The following CORO2B variants were observed in gnomAD, a reference collection of about 807,000 sequenced individuals.
The protein encoded by CORO2B is coronin 2B.
In CORO2B, 26 loss-of-function variants were observed where a neutral mutation model predicts 58.8. That is an observed-to-expected ratio of 0.44 (90% CI 0.32 to 0.61). The LOEUF (loss-of-function observed/expected upper bound fraction) is 0.61. Among genes scored for constraint, CORO2B ranks in the 20% least tolerant of loss-of-function variants. CORO2B has a pLI of 0.04. For missense variants in CORO2B, 460 were observed against 645.1 expected (o/e 0.71, Z 3.11); for synonymous variants, 242 against 253.8 (o/e 0.95, Z 0.44).
At chr15:68,634,672 C>T (rs966598356) in intron 1 of CORO2B, among the ~76,000 whole-genome samples, 1 of 152,186 alleles carries the variant, frequency 6.6e-6, no homozygotes, top group African/African-American at 2.4e-5. Context: ...CCACCCTCGA[C>T]TTCCTGAATC....
intron 3 of CORO2B, among the ~76,000 whole-genome samples, chr15:68,701,285 G>A (rs1381198685): frequency 6.6e-6 from 1 of 151,170 alleles, no homozygotes; most frequent in East Asian, 1.9e-4. Context: ...CAGGCTCTGC[G>A]ATCTAGGACT....
chr15:68,560,634 G>A, the CORO2B span, among the ~76,000 whole-genome samples: 1 of 152,104 alleles, frequency 6.6e-6, no homozygotes, highest in Admixed American at 6.5e-5. Flanking sequence ...ACCAGCAGCC[G>A]GCAGTGTGCA....
intron 1 of CORO2B, among the ~76,000 whole-genome samples, chr15:68,617,451 T>C (rs964750910): frequency 1.3e-5 from 2 of 152,250 alleles, no homozygotes; most frequent in African/African-American, 4.8e-5. Context: ...ACCAGCTGTG[T>C]GACCTTGAGC....
chr15:68,571,487 A>C, the CORO2B span, among the ~76,000 whole-genome samples: 29 of 152,370 alleles, frequency 1.9e-4, no homozygotes, highest in African/African-American at 7.0e-4. Context: ...TGAACAAGAA[A>C]AGATAATTCT....
At chr15:68,568,954 G>A in the CORO2B span, among the ~76,000 whole-genome samples, 1 of 152,016 alleles carries the variant, frequency 6.6e-6, no homozygotes, top group East Asian at 1.9e-4. Context: ...AAACCTGCAC[G>A]TTCTGCACAT....
At chr15:68,530,043 G>A in the CORO2B span, among the ~76,000 whole-genome samples, 1 of 152,088 alleles carries the variant, frequency 6.6e-6, no homozygotes, top group Non-Finnish European at 1.5e-5. Context: ...ATGCTGAGAC[G>A]GCCGGGCACA....
In CORO2B at chr15:68,671,399, C is replaced by T. The variant is rs571116719; in HGVS notation, c.217-23741C>T. Among the ~76,000 whole-genome samples, 83 of 152,266 alleles carry T rather than the reference C, an allele frequency of 5.5e-4. No individual in the cohort carries two copies. In the South Asian group the frequency reaches 0.016, roughly 29 times the overall value. On this transcript the variant is annotated intron_variant, in intron 2 of 11. Transcript: ENST00000261861. Reference sequence around the variant, plus strand: ...ACCCACATATGAGCCAAAGCCTCACCCACATGGCTTACCTGCCTCAGTTTC... The same window carrying T: ...ACCCACATATGAGCCAAAGCCTCACTCACATGGCTTACCTGCCTCAGTTTC...
At chr15:68,640,984 G>A (rs1017397003) in intron 1 of CORO2B, among the ~76,000 whole-genome samples, 5 of 152,126 alleles carry the variant, frequency 3.3e-5, no homozygotes, top group African/African-American at 9.7e-5. Flanking sequence ...ATAGGTTCAC[G>A]TGGAGTGGAG....
intron 11 of CORO2B, among the ~76,000 whole-genome samples, chr15:68,720,227 T>A (rs919571861): frequency 6.6e-6 from 1 of 152,218 alleles, no homozygotes; most frequent in Non-Finnish European, 1.5e-5. Flanking sequence ...TTCCTGGCTG[T>A]GACTGAGCAA....
chr15:68,723,741 G>A (rs1484574701), intron 11 of CORO2B, among the ~76,000 whole-genome samples: 1 of 151,944 alleles, frequency 6.6e-6, no homozygotes, highest in Non-Finnish European at 1.5e-5. Context: ...GTGAGCCACC[G>A]TGCCCGGCCG....
intron 3 of CORO2B, among the ~76,000 whole-genome samples, chr15:68,704,848 C>A (rs1007461812): frequency 6.6e-6 from 1 of 152,124 alleles, no homozygotes; most frequent in African/African-American, 2.4e-5. Flanking sequence ...TGCCACTTCT[C>A]CCCACCCTTT....
chr15:68,595,952 G>T (rs927816818), intron 1 of CORO2B, among the ~76,000 whole-genome samples: 6 of 152,082 alleles, frequency 3.9e-5, no homozygotes, highest in African/African-American at 9.7e-5. Context: ...GTGAGCAGAG[G>T]CCAGGGCAGC....
rs546075481 is a variant in CORO2B at position 68,627,034 on chromosome 15, A to T, written c.16-18126A>T. Reference sequence around the variant, plus strand: ...CCAGTCCCACCACTGCCAAGTGGGGATCCTTAGCAAGGTACTTACCTTTTT... The same window carrying T: ...CCAGTCCCACCACTGCCAAGTGGGGTTCCTTAGCAAGGTACTTACCTTTTT... On this transcript the variant is annotated intron_variant, in intron 1 of 11. Transcript: ENST00000261861. Among the ~76,000 whole-genome samples the T allele has an allele frequency of 2.0e-5, 3 of 152,322 alleles. No homozygotes were observed. The East Asian group carries it at 5.8e-4, about 29-fold the overall frequency.
chr15:68,696,986 A>T lies in CORO2B; in HGVS notation c.333+1730A>T, dbSNP rs141424064. 2.9e-4 allele frequency among the ~76,000 whole-genome samples: 44 copies of T among 152,364 alleles called. No individual in the cohort carries two copies. In the East Asian group the frequency reaches 8.3e-3, roughly 29 times the overall value. On this transcript the variant is annotated intron_variant, in intron 3 of 11. Transcript: ENST00000261861. ...ATGTCTCCCTGTCTTCCCAGACTGG[A>T]CTGTGAGCTCCTGGGAGCAGAGACC... is the stretch of plus-strand genomic sequence containing the variant.
chr15:68,698,006 G>A (rs1200000149), intron 3 of CORO2B, among the ~76,000 whole-genome samples: 1 of 152,156 alleles, frequency 6.6e-6, no homozygotes, highest in Non-Finnish European at 1.5e-5. Flanking sequence ...GGTGTCACCA[G>A]CCAGCAGGTA....
In CORO2B at chr15:68,645,911, T is replaced by C. The variant is rs2140273455; in HGVS notation, c.216+551T>C. ...GCCTCAGCCTCCCGAGAAGCTGGGA[T>C]TGCAGGCACGTGCCACCACGCCCAG... is the stretch of plus-strand genomic sequence containing the variant. On this transcript the variant is annotated intron_variant, in intron 2 of 11. Coordinates refer to ENST00000261861, the MANE Select transcript of CORO2B (RefSeq NM_006091.5). The surrounding 1 kb of genome is among the most constrained non-coding windows in gnomAD (Gnocchi z 4.5). Among the ~76,000 whole-genome samples the C allele has an allele frequency of 6.6e-6, 1 of 152,040 alleles. No individual in the cohort carries two copies. The highest frequency in any genetic ancestry group is 1.9e-4 in the East Asian group (1 of 5,184).
intron 2 of CORO2B, among the ~76,000 whole-genome samples, chr15:68,656,401 C>T (rs1433875270): frequency 1.3e-5 from 2 of 151,806 alleles, no homozygotes; most frequent in Non-Finnish European, 2.9e-5. Flanking sequence ...CCAAGTGGGT[C>T]GTCAGGTGAG....
chr15:68,582,767 G>C (rs1413924541), intron 1 of CORO2B, among the ~76,000 whole-genome samples: 2 of 152,198 alleles, frequency 1.3e-5, no homozygotes, highest in Admixed American at 1.3e-4. Context: ...GCTGCTGGCT[G>C]TGATGTGACC....
At chr15:68,703,262 T>C (rs371181401) in intron 3 of CORO2B, among the ~76,000 whole-genome samples, 1 of 150,440 alleles carries the variant, frequency 6.6e-6, no homozygotes, top group African/African-American at 2.4e-5. Flanking sequence ...ATGATTCTCC[T>C]GCCTCAGCTT....
Sources: allele counts gnomAD v4.1 joint callset (sites outside exome capture counted in the v4.1 genomes callset), GRCh38; gene constraint gnomAD v4.1.1; non-coding constraint Gnocchi (gnomAD v3.1); transcripts MANE v1.5; gene names NCBI Gene and HGNC (gene_info 2026-07-23, HGNC 2026-07-21).